The following TENM2 variants were observed in gnomAD, a reference collection of about 807,000 sequenced individuals.
TENM2 encodes the protein teneurin-2.
A neutral mutation model predicts 245.2 loss-of-function variants in TENM2; 52 were observed. The ratio of observed to expected loss-of-function variants is 0.21; its 90% CI spans 0.17 to 0.27. TENM2 has a LOEUF of 0.27. TENM2 is among the 10% of genes least tolerant of loss of function. TENM2 has a pLI of 1.00. For synonymous variants in TENM2, 1,363 were observed against 1,438.9 expected (o/e 0.95, Z 1.19); for missense variants, 3,046 against 3,666.8 (o/e 0.83, Z 4.37).
At chr5:167,929,917 C>G (rs995952722) in intron 3 of TENM2, among the ~76,000 whole-genome samples, 1 of 152,196 alleles carries the variant, frequency 6.6e-6, no homozygotes, top group Admixed American at 6.5e-5. Flanking sequence ...CAGATAGGAG[C>G]ACAAGTGAGC....
At chr5:167,091,191 A>G in the TENM2 span, among the ~76,000 whole-genome samples, 1 of 152,144 alleles carries the variant, frequency 6.6e-6, no homozygotes, top group South Asian at 2.1e-4. Flanking sequence ...TATTGTCTTT[A>G]TAAGCCTATT....
the TENM2 span, among the ~76,000 whole-genome samples, chr5:167,196,106 C>T: frequency 2.6e-5 from 4 of 151,934 alleles, no homozygotes; most frequent in Admixed American, 6.6e-5. Flanking sequence ...CCACTACACA[C>T]GTAGGTTATA....
At position 167,375,449 on chromosome 5, in the gene TENM2, GA is replaced by G; in HGVS notation, c.482del (p.Asn161ThrfsTer41). The stretch of plus-strand genomic sequence containing the variant: ...CCTTACCCTGACTGACTCTGACAAC[GA>G]AAACAAATCAGATGATGAGAACGGT... On this transcript the variant is annotated frameshift_variant, in exon 2 of 29. Transcript: ENST00000518659. LOFTEE classifies it high-confidence loss of function. The G allele has an allele frequency of 6.4e-7, 1 of 1,551,672 alleles. No homozygotes were observed. The highest frequency in any genetic ancestry group is 1.4e-5 in the African/African-American group (1 of 73,168).
At chr5:167,559,111 G>A (rs1457759251) in intron 2 of TENM2, among the ~76,000 whole-genome samples, 1 of 152,154 alleles carries the variant, frequency 6.6e-6, no homozygotes, top group East Asian at 1.9e-4. Context: ...AGTTTGAATG[G>A]TTGTGACACC....
the TENM2 span, among the ~76,000 whole-genome samples, chr5:167,166,180 A>C: frequency 6.6e-6 from 1 of 152,192 alleles, no homozygotes; most frequent in Non-Finnish European, 1.5e-5. Context: ...GGCCAGGCTT[A>C]TGTTTATAAA....
chr5:168,195,354 G>A (rs1761319286), intron 15 of TENM2, 59 bp downstream of exon 17: 2 of 1,545,302 alleles, frequency 1.3e-6, no homozygotes, highest in Admixed American at 3.9e-5. Flanking sequence ...CAAAGGGACA[G>A]ACGGTGCTGT....
chr5:168,109,868 G>T (rs374115238), intron 9 of TENM2, among the ~76,000 whole-genome samples: 4 of 152,146 alleles, frequency 2.6e-5, no homozygotes, highest in African/African-American at 9.7e-5. Context: ...TTTGGAAGTT[G>T]CAGTGCACAT....
chr5:167,242,986 G>A, the TENM2 span, among the ~76,000 whole-genome samples: 1 of 151,724 alleles, frequency 6.6e-6, no homozygotes, highest in Non-Finnish European at 1.5e-5. Context: ...CTGTGCGTAT[G>A]TAAATGGTTT....
At chr5:167,313,538 G>A (rs1047676259) in intron 1 of TENM2, among the ~76,000 whole-genome samples, 6 of 152,146 alleles carry the variant, frequency 3.9e-5, no homozygotes, top group African/African-American at 7.2e-5. Flanking sequence ...TCAGGCGGCT[G>A]AGGCAGGAGA....
At chr5:167,320,563 C>T (rs1756650240) in intron 1 of TENM2, among the ~76,000 whole-genome samples, 1 of 97,480 alleles carries the variant, frequency 1.0e-5, no homozygotes, top group African/African-American at 3.8e-5. Flanking sequence ...GCCATTGTAA[C>T]AGTATAAGAG....
chr5:167,902,503 ATAACTCACTTCC>A (rs1314846379), intron 3 of TENM2, among the ~76,000 whole-genome samples: 4 of 152,172 alleles, frequency 2.6e-5, no homozygotes, highest in Non-Finnish European at 4.4e-5. Flanking sequence ...CACAGATAAC[ATAACTCACTTCC>A]TAACTCACTT....
At chr5:167,126,189 C>G in the TENM2 span, among the ~76,000 whole-genome samples, 14 of 152,096 alleles carry the variant, frequency 9.2e-5, no homozygotes, top group South Asian at 2.1e-4. Flanking sequence ...TGAGCCATCC[C>G]TACAATAAGG....
rs77278414 is a variant in TENM2, at chr5:167,555,741, G to A, written c.502+180268G>A. On this transcript the variant is annotated intron_variant, in intron 2 of 28. Coordinates refer to ENST00000518659, the Ensembl canonical transcript of TENM2. Reference sequence around the variant, plus strand: ...CTGACATGTTGGGTCTGTAACTCTCGGAATCAGTAAACACAGCCAATTTCA... The same window carrying A: ...CTGACATGTTGGGTCTGTAACTCTCAGAATCAGTAAACACAGCCAATTTCA... Among the ~76,000 whole-genome samples, 1,504 of 152,118 alleles carry A rather than the reference G, an allele frequency of 9.9e-3. 31 individuals carry two copies. The highest frequency in any genetic ancestry group is 0.032 in the African/African-American group (1,341 of 41,482).
intron 2 of TENM2, among the ~76,000 whole-genome samples, chr5:167,650,871 C>G (rs1423713426): frequency 1.3e-5 from 2 of 152,124 alleles, no homozygotes; most frequent in South Asian, 4.1e-4. Context: ...TGTAAACAGT[C>G]TGTTTCTTGA....
At chr5:168,054,934 G>A (rs934431942) in intron 6 of TENM2, among the ~76,000 whole-genome samples, 9 of 152,082 alleles carry the variant, frequency 5.9e-5, no homozygotes, top group African/African-American at 2.2e-4. Flanking sequence ...TGCTTCTTAG[G>A]GCAAAATGAT....
At chr5:167,596,795 CA>C (rs35609546) in intron 2 of TENM2, among the ~76,000 whole-genome samples, 69,328 of 131,666 alleles carry the variant, frequency 0.53, 19,345 homozygotes, top group Middle Eastern at 0.69. Context: ...GATTCTGCCT[CA>C]AAAAAAAAAA....
intron 13 of TENM2, among the ~76,000 whole-genome samples, chr5:168,183,670 G>A (rs904478979): frequency 6.6e-6 from 1 of 151,834 alleles, no homozygotes; most frequent in African/African-American, 2.4e-5. Context: ...TTTTATTGCT[G>A]CATTAATTTT....
chr5:167,823,323 C>T (rs1042138488), intron 2 of TENM2, among the ~76,000 whole-genome samples: 2 of 152,020 alleles, frequency 1.3e-5, no homozygotes, highest in African/African-American at 4.8e-5. Flanking sequence ...AGGTAATTAC[C>T]GATCCATAAA....
chr5:167,089,174 G>A, the TENM2 span, among the ~76,000 whole-genome samples: 2 of 152,194 alleles, frequency 1.3e-5, no homozygotes, highest in African/African-American at 4.8e-5. Context: ...ATAGTGCTCA[G>A]GTTCTCAGGC....
Sources: allele counts gnomAD v4.1 joint callset (sites outside exome capture counted in the v4.1 genomes callset), GRCh38; gene constraint gnomAD v4.1.1; transcripts MANE v1.5; gene names NCBI Gene and HGNC (gene_info 2026-07-23, HGNC 2026-07-21).